Variants in GABRB1 observed in about 807,000 individuals in gnomAD.
The protein encoded by GABRB1 is gamma-aminobutyric acid type A receptor subunit beta1, also known as gamma-aminobutyric acid receptor subunit beta-1.
GABRB1 carries 17 observed loss-of-function variants against 51.6 expected under a neutral mutation model. That is an observed-to-expected ratio of 0.33 (90% CI 0.23 to 0.49). GABRB1 has a LOEUF of 0.49. Ranked by LOEUF, GABRB1 falls within the 20% of genes least tolerant of loss-of-function variation. GABRB1 has a pLI of 0.99. For missense variants in GABRB1, 410 were observed against 600.6 expected (o/e 0.68, Z 3.32); for synonymous variants, 247 against 218.9 (o/e 1.13, Z -1.14).
chr4:47,172,726 C>G (rs1428082378), intron 4 of GABRB1, among the ~76,000 whole-genome samples: 1 of 149,832 alleles, frequency 6.7e-6, no homozygotes, highest in Non-Finnish European at 1.5e-5. Context: ...GAAGCAACCT[C>G]CACCTCCCAG....
chr4:47,016,046 T>G (rs979802676), intron 1 of GABRB1, among the ~76,000 whole-genome samples: 1 of 152,210 alleles, frequency 6.6e-6, no homozygotes, highest in African/African-American at 2.4e-5. Context: ...GCACTGCAGG[T>G]AGAGGATGCA....
chr4:47,315,738 G>A lies in GABRB1; in HGVS notation c.462-4389G>A, dbSNP rs74626062. Among the ~76,000 whole-genome samples, 1,453 of 152,118 alleles carry A rather than the reference G, an allele frequency of 9.6e-3. 21 individuals carry two copies. The highest frequency in any genetic ancestry group is 0.033 in the African/African-American group (1,361 of 41,532). ...AGATCATGTCCTTTGCAGCAACATG[G>A]ATGGAGGTGGCAGCCGTTAGCCTAA... On this transcript the variant is annotated intron_variant, in intron 4 of 8. Coordinates refer to ENST00000295454, the MANE Select transcript of GABRB1 (RefSeq NM_000812.4).
At chr4:47,256,858 A>T (rs1722222309) in intron 4 of GABRB1, among the ~76,000 whole-genome samples, 1 of 152,228 alleles carries the variant, frequency 6.6e-6, no homozygotes, top group South Asian at 2.1e-4. Context: ...TTGGACGTGG[A>T]CACAAATCCA....
chr4:47,313,433 G>A (rs990878641), intron 4 of GABRB1, among the ~76,000 whole-genome samples: 1 of 152,190 alleles, frequency 6.6e-6, no homozygotes, highest in East Asian at 1.9e-4. Flanking sequence ...CCATGTGGAT[G>A]TGTTAATTAA....
intron 3 of GABRB1, among the ~76,000 whole-genome samples, chr4:47,067,035 G>A (rs1164420221): frequency 6.6e-6 from 1 of 152,186 alleles, no homozygotes; most frequent in African/African-American, 2.4e-5. Flanking sequence ...TGTGTTAGAG[G>A]GCTGGAAAAC....
intron 4 of GABRB1, among the ~76,000 whole-genome samples, chr4:47,294,360 AG>A (rs1457406760): frequency 1.3e-5 from 2 of 152,244 alleles, no homozygotes; most frequent in Non-Finnish European, 1.5e-5. Flanking sequence ...AGTCAAAGAA[AG>A]GGGTGACAGA....
At chr4:47,098,191 T>C (rs921118892) in intron 3 of GABRB1, among the ~76,000 whole-genome samples, 2 of 147,656 alleles carry the variant, frequency 1.4e-5, no homozygotes, top group South Asian at 2.1e-4. Context: ...CACACACACA[T>C]GTTTTTCAGT....
chr4:47,108,649 T>A (rs1375892947), intron 3 of GABRB1, among the ~76,000 whole-genome samples: 2 of 152,064 alleles, frequency 1.3e-5, no homozygotes, highest in African/African-American at 4.8e-5. Flanking sequence ...TATAATTACA[T>A]GTTATAATAA....
chr4:47,163,909 T>C (rs1486704989), intron 4 of GABRB1, among the ~76,000 whole-genome samples: 8 of 151,998 alleles, frequency 5.3e-5, no homozygotes, highest in Admixed American at 5.3e-4. Context: ...CAAGACTAGG[T>C]AATTTACAAA....
intron 4 of GABRB1, among the ~76,000 whole-genome samples, chr4:47,247,660 ATG>A (rs1400690456): frequency 6.6e-6 from 1 of 151,766 alleles, no homozygotes; most frequent in Non-Finnish European, 1.5e-5. Flanking sequence ...TGAGCATGGG[ATG>A]TGTTTCCGTT....
At chr4:47,416,332 C>T (rs187244420) in intron 8 of GABRB1, among the ~76,000 whole-genome samples, 145 of 152,156 alleles carry the variant, frequency 9.5e-4, no homozygotes, top group African/African-American at 3.4e-3. Context: ...CCACAGGAAG[C>T]AAACCACATG....
chr4:47,157,081 T>C (rs1394253379), intron 3 of GABRB1, among the ~76,000 whole-genome samples: 2 of 152,252 alleles, frequency 1.3e-5, no homozygotes, highest in African/African-American at 4.8e-5. Context: ...CATGCCTGAA[T>C]TAGCCCAACT....
intron 8 of GABRB1, among the ~76,000 whole-genome samples, chr4:47,418,019 A>G: frequency 6.6e-6 from 1 of 152,204 alleles, no homozygotes; most frequent in East Asian, 1.9e-4. Context: ...AAGGGGTGGA[A>G]GAAAGGCTAA....
At chr4:47,180,975 T>G (rs1387472729) in intron 4 of GABRB1, among the ~76,000 whole-genome samples, 1 of 151,998 alleles carries the variant, frequency 6.6e-6, no homozygotes, top group Non-Finnish European at 1.5e-5. Flanking sequence ...TTGATTTCAT[T>G]ATAATGTGCC....
At chr4:47,073,427 G>A (rs1228851931) in intron 3 of GABRB1, among the ~76,000 whole-genome samples, 5 of 152,212 alleles carry the variant, frequency 3.3e-5, no homozygotes. Context: ...ACTTCCTAAT[G>A]CTATAATAAA....
At chr4:47,123,211 T>C (rs139496929) in intron 3 of GABRB1, among the ~76,000 whole-genome samples, 5 of 149,022 alleles carry the variant, frequency 3.4e-5, no homozygotes, top group Middle Eastern at 7.0e-3. Flanking sequence ...AAGGTACTAT[T>C]CTGGGCTAGA....
chr4:47,092,347 A>G (rs1358530146), intron 3 of GABRB1, among the ~76,000 whole-genome samples: 2 of 149,274 alleles, frequency 1.3e-5, no homozygotes, highest in African/African-American at 4.9e-5. Context: ...CAATTTTTAT[A>G]TTTTTAGTAG....
chr4:47,410,838 T>C (rs1272380784), intron 8 of GABRB1, among the ~76,000 whole-genome samples: 1 of 152,162 alleles, frequency 6.6e-6, no homozygotes, highest in East Asian at 1.9e-4. Context: ...CTCAAGAGGC[T>C]TATACCTTAA....
intron 1 of GABRB1, among the ~76,000 whole-genome samples, chr4:47,013,216 G>T (rs902700714): frequency 1.3e-5 from 2 of 151,840 alleles, no homozygotes; most frequent in African/African-American, 4.8e-5. Context: ...GTTTTTCAAG[G>T]TAACTAAATA....
Sources: gnomAD v4.1 joint callset for allele counts (sites outside exome capture counted in the v4.1 genomes callset) on GRCh38, gnomAD v4.1.1 for gene constraint, MANE v1.5 for transcripts, NCBI Gene and HGNC (gene_info 2026-07-23, HGNC 2026-07-21) for gene names.